Variants in RBFOX1 observed in about 807,000 individuals in gnomAD.
RBFOX1 encodes the protein RNA binding protein fox-1 homolog 1.
A neutral mutation model predicts 57.7 loss-of-function variants in RBFOX1; 8 were observed. The ratio of observed to expected loss-of-function variants is 0.14; its 90% CI spans 0.08 to 0.25. RBFOX1 has a LOEUF of 0.25. Ranked by LOEUF, RBFOX1 falls within the 10% of genes least tolerant of loss-of-function variation. The probability of loss-of-function intolerance (pLI) is 1.00; values close to 1 mark genes in which losing one functional copy is unlikely to be tolerated. For synonymous variants in RBFOX1, 326 were observed against 222.4 expected (o/e 1.47, Z -4.15); for missense variants, 611 against 548.5 (o/e 1.11, Z -1.14).
At position 6,905,628 on chromosome 16, in the gene RBFOX1, C is replaced by T. The variant is rs190727349; in HGVS notation, c.-15-146429C>T. On this transcript the variant is annotated intron_variant, in intron 3 of 15. Transcript: ENST00000550418. ...TAGTAGGTTGGACTTTGTGTTTATT[C>T]CAATTTTCCCCGTTTAGCAACATTG... is the stretch of plus-strand genomic sequence containing the variant. Among the ~76,000 whole-genome samples the T allele has an allele frequency of 3.7e-3, 568 of 151,984 alleles. 4 individuals are homozygous for T. The highest frequency in any genetic ancestry group is 6.1e-3 in the Non-Finnish European group (418 of 67,990).
intron 3 of RBFOX1, among the ~76,000 whole-genome samples, chr16:6,692,843 A>G (rs947140362): frequency 2.2e-4 from 34 of 151,950 alleles, no homozygotes; most frequent in Admixed American, 2.2e-3. Context: ...TTCATCCACT[A>G]CCATCACCAC....
At chr16:6,404,476 G>T (rs1388083818) in intron 2 of RBFOX1, among the ~76,000 whole-genome samples, 6 of 152,118 alleles carry the variant, frequency 3.9e-5, no homozygotes. Flanking sequence ...AAGTAACTTG[G>T]TTCCAAAAGA....
intron 2 of RBFOX1, among the ~76,000 whole-genome samples, chr16:6,539,162 C>G (rs533753481): frequency 6.6e-6 from 1 of 151,514 alleles, no homozygotes; most frequent in East Asian, 1.9e-4. Context: ...TATGACTGTT[C>G]TTCTCCTTGG....
chr16:7,140,428 A>G (rs1478410535), intron 4 of RBFOX1, among the ~76,000 whole-genome samples: 1 of 151,768 alleles, frequency 6.6e-6, no homozygotes, highest in Non-Finnish European at 1.5e-5. Flanking sequence ...TCATGGCTAT[A>G]TTGTCTAACT....
At chr16:5,435,396 T>C (rs1353493141) in intron 1 of RBFOX1, among the ~76,000 whole-genome samples, 1 of 152,138 alleles carries the variant, frequency 6.6e-6, no homozygotes, top group Admixed American at 6.5e-5. Context: ...CTTTAGAATG[T>C]GTAGGAGTGG....
intron 3 of RBFOX1, among the ~76,000 whole-genome samples, chr16:6,848,030 C>A (rs574318792): frequency 6.6e-6 from 1 of 152,064 alleles, no homozygotes; most frequent in Non-Finnish European, 1.5e-5. Context: ...CGGGGTCTTA[C>A]CATGTTGGCC....
At chr16:5,714,451 G>A (rs1309622853) in intron 3 of RBFOX1, among the ~76,000 whole-genome samples, 1 of 152,168 alleles carries the variant, frequency 6.6e-6, no homozygotes, top group Non-Finnish European at 1.5e-5. Flanking sequence ...AGCTCGAAGA[G>A]ACCACCCAAA....
chr16:6,908,140 A>G (rs923999087), intron 3 of RBFOX1, among the ~76,000 whole-genome samples: 1 of 151,732 alleles, frequency 6.6e-6, no homozygotes, highest in African/African-American at 2.4e-5. Context: ...GAGGGAAACA[A>G]TTCAGCTCCT....
At chr16:7,435,893 C>T (rs1461483511) in intron 4 of RBFOX1, among the ~76,000 whole-genome samples, 1 of 152,146 alleles carries the variant, frequency 6.6e-6, no homozygotes, top group Admixed American at 6.5e-5. Flanking sequence ...TGTGTGTTTT[C>T]CCATGGAAAT....
chr16:6,864,809 A>T (rs2059621497), intron 3 of RBFOX1, among the ~76,000 whole-genome samples: 1 of 151,982 alleles, frequency 6.6e-6, no homozygotes, highest in African/African-American at 2.4e-5. Flanking sequence ...GGAGAGACAT[A>T]TGCTACTTGG....
chr16:6,821,669 G>A (rs1003110130), intron 3 of RBFOX1, among the ~76,000 whole-genome samples: 2 of 152,122 alleles, frequency 1.3e-5, no homozygotes, highest in African/African-American at 2.4e-5. Flanking sequence ...ACTTCTTTCA[G>A]CATAATGTTT....
At chr16:6,878,425 A>G (rs1173879572) in intron 3 of RBFOX1, among the ~76,000 whole-genome samples, 1 of 152,160 alleles carries the variant, frequency 6.6e-6, no homozygotes, top group Non-Finnish European at 1.5e-5. Context: ...TTCATCCAAG[A>G]TTGCTGAGAG....
intron 1 of RBFOX1, among the ~76,000 whole-genome samples, chr16:6,241,808 C>T (rs917410839): frequency 6.6e-6 from 1 of 152,170 alleles, no homozygotes; most frequent in African/African-American, 2.4e-5. Context: ...CTCTCTTAAT[C>T]AGCTAGCATC....
intron 4 of RBFOX1, among the ~76,000 whole-genome samples, chr16:7,120,840 C>CACACACACACACAT (rs1567336936): frequency 3.0e-4 from 44 of 145,688 alleles, no homozygotes; most frequent in African/African-American, 1.1e-3. Flanking sequence ...TACACACACA[C>CACACACACACACAT]ACACACACAC....
chr16:6,672,212 T>C (rs570756933), intron 3 of RBFOX1, among the ~76,000 whole-genome samples: 3 of 152,224 alleles, frequency 2.0e-5, no homozygotes, highest in Admixed American at 6.5e-5. Flanking sequence ...ACAAAGGTCA[T>C]TGAAATATAA....
chr16:7,292,423 A>AT (rs2095807596), intron 4 of RBFOX1, among the ~76,000 whole-genome samples: 1 of 142,174 alleles, frequency 7.0e-6, no homozygotes, highest in African/African-American at 2.6e-5. Context: ...TTATATATAT[A>AT]AGGTATTATA....
In RBFOX1 at chr16:6,827,702, C is replaced by T. The variant is rs183569833; in HGVS notation, c.-16+173052C>T. Reference sequence around the variant, plus strand: ...GATCCTTCAGGGGCCAGCTTCTCTCCGTCCCATGGTTGTTTGCCCATGCTG... The same window carrying T: ...GATCCTTCAGGGGCCAGCTTCTCTCTGTCCCATGGTTGTTTGCCCATGCTG... On this transcript the variant is annotated intron_variant, in intron 3 of 15. Coordinates refer to ENST00000550418, the MANE Select transcript of RBFOX1 (RefSeq NM_018723.4). Among the ~76,000 whole-genome samples the T allele has an allele frequency of 4.3e-3, 653 of 152,274 alleles. 4 individuals are homozygous for T. Among genetic ancestry groups the T allele is most frequent in the African/African-American group, 0.015 (606 of 41,560 alleles).
At chr16:7,389,557 T>C (rs1237407813) in intron 4 of RBFOX1, among the ~76,000 whole-genome samples, 1 of 152,192 alleles carries the variant, frequency 6.6e-6, no homozygotes, top group African/African-American at 2.4e-5. Flanking sequence ...TGGAAGATCC[T>C]TACAGAATGA....
chr16:6,325,642 CTA>C (rs1204610969), intron 2 of RBFOX1, among the ~76,000 whole-genome samples: 1 of 152,098 alleles, frequency 6.6e-6, no homozygotes, highest in Non-Finnish European at 1.5e-5. Context: ...CTGTAGAAGA[CTA>C]TGGAAGTCAC....
Sources: allele counts gnomAD v4.1 joint callset (sites outside exome capture counted in the v4.1 genomes callset), GRCh38; gene constraint gnomAD v4.1.1; transcripts MANE v1.5; gene names NCBI Gene and HGNC (gene_info 2026-07-23, HGNC 2026-07-21).